The following SLC44A5 variants were observed in gnomAD, a reference collection of about 807,000 sequenced individuals.
SLC44A5 encodes solute carrier family 44 member 5.
SLC44A5 carries 57 observed loss-of-function variants against 101.8 expected under a neutral mutation model. The ratio of observed to expected loss-of-function variants is 0.56; its 90% CI spans 0.45 to 0.70. The LOEUF (loss-of-function observed/expected upper bound fraction) is 0.70, where lower values mean the gene tolerates loss of function less well. Ranked by LOEUF, SLC44A5 falls within the 30% of genes least tolerant of loss-of-function variation. SLC44A5 has a pLI of 0.00. For missense variants in SLC44A5, 737 were observed against 853.1 expected, an observed-to-expected ratio of 0.86 and a Z score of 1.70; for synonymous variants, 281 against 290.9, an observed-to-expected ratio of 0.97 and a Z score of 0.35.
the SLC44A5 span, among the ~76,000 whole-genome samples, chr1:75,690,394 C>T: frequency 6.6e-6 from 1 of 152,130 alleles, no homozygotes; most frequent in Admixed American, 6.5e-5. Context: ...TCCTTTAACA[C>T]ACGGGGATTA....
chr1:75,574,938 G>A (rs1049515963), intron 1 of SLC44A5, among the ~76,000 whole-genome samples: 1 of 152,048 alleles, frequency 6.6e-6, no homozygotes, highest in Non-Finnish European at 1.5e-5. Context: ...ACATTCTACT[G>A]GGAAAATAAA....
the SLC44A5 span, among the ~76,000 whole-genome samples, chr1:75,667,132 A>G: frequency 6.6e-6 from 1 of 152,208 alleles, no homozygotes; most frequent in Non-Finnish European, 1.5e-5. Flanking sequence ...GAAGAGAGGA[A>G]GTCAAATTGT....
intron 13 of SLC44A5, among the ~76,000 whole-genome samples, chr1:75,224,573 T>C (rs1647157346): frequency 6.7e-6 from 1 of 149,948 alleles, no homozygotes; most frequent in African/African-American, 2.5e-5. Context: ...TATGTATTTG[T>C]GTCTTTAAAT....
intron 4 of SLC44A5, among the ~76,000 whole-genome samples, chr1:75,334,977 C>G (rs148643293): frequency 6.6e-6 from 1 of 152,266 alleles, no homozygotes; most frequent in African/African-American, 2.4e-5. Context: ...AAGCCATGAG[C>G]TCCACTACAT....
At chr1:75,441,358 CCA>C (rs1047243548) in intron 2 of SLC44A5, among the ~76,000 whole-genome samples, 1 of 152,058 alleles carries the variant, frequency 6.6e-6, no homozygotes, top group Non-Finnish European at 1.5e-5. Flanking sequence ...TCTAAAAACA[CCA>C]CAGATTTCCA....
At chr1:75,432,968 G>C (rs1195805844) in intron 2 of SLC44A5, among the ~76,000 whole-genome samples, 1 of 151,888 alleles carries the variant, frequency 6.6e-6, no homozygotes, top group Admixed American at 6.6e-5. Flanking sequence ...CTCTACCTGT[G>C]CTTGGAGTTT....
intron 2 of SLC44A5, 49 bp from the exon 3 acceptor site, chr1:75,396,670 C>T (rs1662144912): frequency 7.1e-7 from 1 of 1,411,904 alleles, no homozygotes; most frequent in Admixed American, 1.7e-5. Flanking sequence ...GGGCTGATGA[C>T]TCTGAGGTTC....
intron 1 of SLC44A5, among the ~76,000 whole-genome samples, chr1:75,575,840 C>A (rs774198165): frequency 1.3e-5 from 2 of 152,080 alleles, no homozygotes; most frequent in African/African-American, 4.8e-5. Flanking sequence ...GTAGGATACA[C>A]GAAGCCTGAA....
chr1:75,587,127 C>T (rs947142450), intron 1 of SLC44A5, among the ~76,000 whole-genome samples: 1 of 152,016 alleles, frequency 6.6e-6, no homozygotes, highest in Non-Finnish European at 1.5e-5. Flanking sequence ...TGCTGCTAAA[C>T]ATCCTACAAT....
intron 2 of SLC44A5, among the ~76,000 whole-genome samples, chr1:75,524,640 T>C (rs1478698680): frequency 6.6e-6 from 1 of 152,154 alleles, no homozygotes; most frequent in Non-Finnish European, 1.5e-5. Context: ...GTTATATGGT[T>C]CCCTGGTTAT....
chr1:75,212,633 T>A (rs1646881042), intron 22 of SLC44A5, among the ~76,000 whole-genome samples: 1 of 151,976 alleles, frequency 6.6e-6, no homozygotes, highest in East Asian at 1.9e-4. Context: ...CCCCAGTACT[T>A]AGCAAAAATA....
rs544696200 is a variant in SLC44A5 at position 75,467,020 on chromosome 1, A to G, written c.14-70399T>C. ...ACAAAATCAACGTACGAAAATCGGT[A>G]ACATTTCTATATGCCAATAATAAAC... On this transcript the variant is annotated intron_variant, in intron 2 of 23. Coordinates refer to ENST00000370859, the MANE Select transcript of SLC44A5 (RefSeq NM_001130058.2). Among the ~76,000 whole-genome samples the G allele has an allele frequency of 3.9e-5, 6 of 152,332 alleles. No individual in the cohort carries two copies. The South Asian group carries it at 1.0e-3, about 26-fold the overall frequency.
chr1:75,475,976 A>T (rs564843148), intron 2 of SLC44A5, among the ~76,000 whole-genome samples: 33 of 152,322 alleles, frequency 2.2e-4, no homozygotes, highest in Middle Eastern at 6.8e-3. Flanking sequence ...TGAGGTCAGG[A>T]GTTAAAGACC....
chr1:75,654,020 T>C, the SLC44A5 span, among the ~76,000 whole-genome samples: 8 of 152,228 alleles, frequency 5.3e-5, no homozygotes, highest in Non-Finnish European at 1.2e-4. Flanking sequence ...AAGGACTATC[T>C]AACCATTTAG....
chr1:75,361,491 T>G (rs564464206), intron 3 of SLC44A5, among the ~76,000 whole-genome samples: 15 of 152,092 alleles, frequency 9.9e-5, no homozygotes, highest in African/African-American at 3.6e-4. Flanking sequence ...GCTTATGATA[T>G]ACAGCCTTTA....
chr1:75,445,430 AT>A (rs1206080280), intron 2 of SLC44A5, among the ~76,000 whole-genome samples: 1 of 136,464 alleles, frequency 7.3e-6, no homozygotes, highest in Non-Finnish European at 1.6e-5. Flanking sequence ...AGCCTCAGAT[AT>A]TTTTTGTGGT....
At chr1:75,666,621 G>A in the SLC44A5 span, among the ~76,000 whole-genome samples, 1 of 152,200 alleles carries the variant, frequency 6.6e-6, no homozygotes, top group East Asian at 1.9e-4. Flanking sequence ...CCAAAACTGG[G>A]CAGAGACACA....
intron 2 of SLC44A5, among the ~76,000 whole-genome samples, chr1:75,419,210 A>T (rs1001482069): frequency 1.3e-5 from 2 of 151,840 alleles, no homozygotes; most frequent in Non-Finnish European, 2.9e-5. Context: ...ATAATGGATA[A>T]TTTTTTTTTA....
chr1:75,682,612 G>T, the SLC44A5 span, among the ~76,000 whole-genome samples: 1 of 151,836 alleles, frequency 6.6e-6, no homozygotes, highest in African/African-American at 2.4e-5. Context: ...ATTCAAGATG[G>T]ATTAGAGACT....
Sources: gnomAD v4.1 joint callset for allele counts (sites outside exome capture counted in the v4.1 genomes callset) on GRCh38, gnomAD v4.1.1 for gene constraint, MANE v1.5 for transcripts, NCBI Gene and HGNC (gene_info 2026-07-23, HGNC 2026-07-21) for gene names.